Variants in IQCH observed in about 807,000 individuals in gnomAD.
IQCH encodes the protein IQ motif containing H.
Under a neutral mutation model 117.0 loss-of-function variants are expected in IQCH, and 98 were observed. That is an observed-to-expected ratio of 0.84 (90% CI 0.71 to 0.99). The LOEUF (loss-of-function observed/expected upper bound fraction) is 0.99, where lower values mean the gene tolerates loss of function less well. Ranked by LOEUF, IQCH falls within the 50% of genes least tolerant of loss-of-function variation. IQCH has a pLI of 0.00. For missense variants in IQCH, 1,102 were observed against 1,243.8 expected, an observed-to-expected ratio of 0.89 and a Z score of 1.72; for synonymous variants, 412 against 448.2, an observed-to-expected ratio of 0.92 and a Z score of 1.02.
chr15:67,427,682 A>T lies in IQCH; in HGVS notation c.2505+6105A>T, dbSNP rs2081924837. ...ACATTTTAAAGCACTTATTTTCTGT[A>T]TCAGCAAATTCAAATGTTAATAATA... is the stretch of plus-strand genomic sequence containing the variant. On this transcript the variant is annotated intron_variant, in intron 16 of 20. Transcript: ENST00000335894. This position sits in a 1 kb window ranked among gnomAD's most constrained non-coding sequence, Gnocchi z 4.7. 1.3e-5 allele frequency among the ~76,000 whole-genome samples: 2 copies of T among 152,230 alleles called. No individual in the cohort carries two copies. The highest frequency in any genetic ancestry group is 1.3e-4 in the Admixed American group (2 of 15,282).
chr15:67,414,909 T>C (rs2081539375), intron 14 of IQCH, among the ~76,000 whole-genome samples: 1 of 152,096 alleles, frequency 6.6e-6, no homozygotes, highest in African/African-American at 2.4e-5. Context: ...CCCACTTGTC[T>C]GAGAGAGGGC....
intron 15 of IQCH, among the ~76,000 whole-genome samples, chr15:67,418,713 G>A (rs911450812): frequency 3.3e-5 from 5 of 151,812 alleles, no homozygotes; most frequent in African/African-American, 1.2e-4. Context: ...TGATAGCTGG[G>A]ATTACAGGTG....
At position 67,472,159 on chromosome 15, in the gene IQCH, C is replaced by G. The variant is rs2141037931; in HGVS notation, c.2677-3537C>G. On this transcript the variant is annotated intron_variant, in intron 17 of 20. Coordinates refer to ENST00000335894, the MANE Select transcript of IQCH (RefSeq NM_001031715.3). This position sits in a 1 kb window ranked among gnomAD's most constrained non-coding sequence, Gnocchi z 4.3. ...TTTAATGAAAACACAGAACTTTATC[C>G]TGCCTTAAAGACTAGAACAGTCACT... is the stretch of plus-strand genomic sequence containing the variant. Among the ~76,000 whole-genome samples the G allele has an allele frequency of 6.6e-6, 1 of 152,276 alleles. No individual in the cohort carries two copies. Among genetic ancestry groups the G allele is most frequent in the South Asian group, 2.1e-4 (1 of 4,828 alleles).
chr15:67,292,258 A>T (rs1326774691), intron 4 of IQCH, among the ~76,000 whole-genome samples: 2 of 151,684 alleles, frequency 1.3e-5, no homozygotes, highest in Non-Finnish European at 2.9e-5. Flanking sequence ...AGCCATCCAG[A>T]CTCTTTTTTT....
intron 1 of IQCH, 71 bp downstream of exon 1, chr15:67,255,018 A>C: frequency 3.5e-6 from 5 of 1,441,672 alleles, no homozygotes; most frequent in Non-Finnish European, 3.9e-6. Context: ...CCGCGCGCCG[A>C]TTCACCGACG....
rs1295782029 is a variant in IQCH, at chr15:67,430,333, G to T, written c.2505+8756G>T. On this transcript the variant is annotated intron_variant, in intron 16 of 20. Coordinates refer to ENST00000335894, the MANE Select transcript of IQCH (RefSeq NM_001031715.3). This position sits in a 1 kb window ranked among gnomAD's most constrained non-coding sequence, Gnocchi z 5.1. ...ATGAAGTACTTACTAAAGGCTTTAA[G>T]TTGAGGAGGATGACAAGTTCATTGA... 1 of 152,212 alleles carries T rather than the reference G, an allele frequency of 6.6e-6. No individual in the cohort carries two copies. The highest frequency in any genetic ancestry group is 1.5e-5 in the Non-Finnish European group (1 of 68,042). The allele number at this position is 152,212 out of a possible 1,614,324, so 9.4% of individuals were successfully genotyped here. A position where few individuals can be genotyped will look rare whatever the true frequency, so the allele number is the denominator to read the frequency against.
chr15:67,271,724 T>C (rs1245545318), intron 3 of IQCH, among the ~76,000 whole-genome samples: 1 of 152,206 alleles, frequency 6.6e-6, no homozygotes, highest in Non-Finnish European at 1.5e-5. Flanking sequence ...TTGTTCATAA[T>C]AGTCTGTGAT....
chr15:67,292,077 A>C (rs1046239954), intron 4 of IQCH, among the ~76,000 whole-genome samples: 2 of 152,096 alleles, frequency 1.3e-5, no homozygotes, highest in East Asian at 3.9e-4. Context: ...CTCTTATAAA[A>C]GAGGCCCTAG....
chr15:67,311,333 A>G (rs1009028428), intron 4 of IQCH, among the ~76,000 whole-genome samples: 1 of 152,178 alleles, frequency 6.6e-6, no homozygotes, highest in African/African-American at 2.4e-5. Flanking sequence ...TATAACTACC[A>G]TAACAAATTG....
rs1044528714 is a variant in IQCH, at chr15:67,395,337, C to T, written c.1679C>T (p.Ala560Val). Residue 560 changes from alanine (A) to valine (V), a missense_variant, in exon 13 of 21, where the codon GCA (alanine) becomes GTA (valine). Transcript: ENST00000335894. This position sits in a 1 kb window ranked among gnomAD's most constrained non-coding sequence, Gnocchi z 4.0. ...ACTCACCTGATGTACAGTCCCAAGG[C>T]AATCAAAAGAATAAAAAATCTCATC... ...LATHLMYSPK[A>V]IKRIKNLIRG... The T allele has an allele frequency of 9.3e-6, 15 of 1,613,826 alleles. No individual in the cohort carries two copies. Among genetic ancestry groups the T allele is most frequent in the Middle Eastern group, 3.3e-4 (2 of 6,066 alleles).
At chr15:67,284,445 G>A (rs781467171) in intron 4 of IQCH, among the ~76,000 whole-genome samples, 4 of 151,838 alleles carry the variant, frequency 2.6e-5, no homozygotes, top group Admixed American at 1.3e-4. Context: ...CATTCATCTG[G>A]GTTTTTTGTT....
chr15:67,374,295 C>T (rs1006428485), intron 10 of IQCH: 1 of 152,208 alleles, frequency 6.6e-6, no homozygotes, highest in African/African-American at 2.4e-5. Context: ...AGCAGCACAA[C>T]CCATTGAATC....
rs1296975533 is a variant in IQCH at position 67,467,682 on chromosome 15, C to T, written c.2676+2385C>T. On this transcript the variant is annotated intron_variant, in intron 17 of 20. Coordinates refer to ENST00000335894, the MANE Select transcript of IQCH (RefSeq NM_001031715.3). The surrounding 1 kb of genome is among the most constrained non-coding windows in gnomAD (Gnocchi z 5.7). ...AAAAAGAAGCATGTGCACATGCACA[C>T]GCGGTACAACTCACAAGCAAATCGA... is the stretch of plus-strand genomic sequence containing the variant. 6.6e-6 allele frequency among the ~76,000 whole-genome samples: 1 copy of T among 152,160 alleles called. No individual in the cohort carries two copies. The highest frequency in any genetic ancestry group is 1.5e-5 in the Non-Finnish European group (1 of 68,034).
chr15:67,442,994 T>C (rs2082315469), intron 16 of IQCH, among the ~76,000 whole-genome samples: 1 of 151,742 alleles, frequency 6.6e-6, no homozygotes, highest in Admixed American at 6.6e-5. Flanking sequence ...TGGAGACTGT[T>C]ATTCTTTTTT....
At chr15:67,294,273 C>T (rs1028853932) in intron 4 of IQCH, among the ~76,000 whole-genome samples, 1 of 152,178 alleles carries the variant, frequency 6.6e-6, no homozygotes, top group African/African-American at 2.4e-5. Flanking sequence ...TCTTTTCCTT[C>T]TCAGCTAGAT....
intron 4 of IQCH, among the ~76,000 whole-genome samples, chr15:67,284,577 C>A (rs2140486561): frequency 6.6e-6 from 1 of 152,114 alleles, no homozygotes; most frequent in South Asian, 2.1e-4. Flanking sequence ...AAGCCTAGTA[C>A]CCATTAGTTA....
Position 67,344,110 on chromosome 15 carries a change from A to C in IQCH, c.556A>C (p.Ile186Leu). Residue 186 changes from isoleucine (I) to leucine (L), a missense_variant, in exon 6 of 21, where the codon ATT (isoleucine) becomes CTT (leucine). By Grantham distance (5) the Ile-to-Leu change is conservative. Around this residue, in one of 2 missense-constraint regions of IQCH, gnomAD observed 452 missense variants for 449.6 expected, o/e 1.01. Transcript: ENST00000335894. ...AGGGCTGATTCCACCAACAGCAAGG[A>C]TTACCTTTCAGAATCCACCCATTAC... ...ERGLIPPTAR[I>L]TFQNPPITPR... 6.2e-7 allele frequency: 1 copy of C among 1,613,438 alleles called. No homozygotes were observed. The highest frequency in any genetic ancestry group is 1.7e-4 in the Middle Eastern group (1 of 6,058).
chr15:67,309,283 T>C (rs1383995905), intron 4 of IQCH, among the ~76,000 whole-genome samples: 1 of 152,084 alleles, frequency 6.6e-6, no homozygotes, highest in Non-Finnish European at 1.5e-5. Flanking sequence ...TTAAAACATA[T>C]TATTGTAGGG....
intron 18 of IQCH, among the ~76,000 whole-genome samples, chr15:67,484,038 C>A (rs1455560173): frequency 2.0e-5 from 3 of 152,128 alleles, no homozygotes; most frequent in Non-Finnish European, 4.4e-5. Flanking sequence ...AGGACACTTC[C>A]CTAGGAGAAA....
Sources: gnomAD v4.1 joint callset for allele counts (sites outside exome capture counted in the v4.1 genomes callset) on GRCh38, gnomAD v4.1.1 for gene constraint, gnomAD v4.1.1 regional missense constraint, Gnocchi (gnomAD v3.1) non-coding constraint, MANE v1.5 for transcripts, NCBI Gene and HGNC (gene_info 2026-07-23, HGNC 2026-07-21) for gene names.